MRPS18A: variants seen among roughly 807,000 people sequenced by gnomAD.
The protein encoded by MRPS18A is mitochondrial ribosomal protein S18A, also known as large ribosomal subunit protein mL66.
Under a neutral mutation model 22.7 loss-of-function variants are expected in MRPS18A, and 20 were observed. The observed-to-expected ratio is 0.88, with a 90% CI of 0.62 to 1.28. The LOEUF (loss-of-function observed/expected upper bound fraction) is 1.28, where lower values mean the gene tolerates loss of function less well. Ranked by LOEUF, MRPS18A falls within the 50% of genes most tolerant of loss-of-function variation. The pLI is 0.00. For missense variants in MRPS18A, 294 were observed against 262.6 expected, an observed-to-expected ratio of 1.12 and a Z score of -0.83; for synonymous variants, 106 against 99.1, an observed-to-expected ratio of 1.07 and a Z score of -0.41.
chr6:43,679,549 C>G (rs969174854), intron 2 of MRPS18A, among the ~76,000 whole-genome samples: 1 of 152,100 alleles, frequency 6.6e-6, no homozygotes, highest in Admixed American at 6.6e-5. Flanking sequence ...AATTACTAAG[C>G]GCAATAAACC....
At chr6:43,674,145 G>C (rs983523969) in intron 5 of MRPS18A, among the ~76,000 whole-genome samples, 1 of 152,148 alleles carries the variant, frequency 6.6e-6, no homozygotes, top group Non-Finnish European at 1.5e-5. Context: ...CATGGTGTTG[G>C]TAAAGGTCCA....
chr6:43,676,324 T>TGAG (rs1774053088), intron 3 of MRPS18A, among the ~76,000 whole-genome samples: 1 of 152,112 alleles, frequency 6.6e-6, no homozygotes, highest in Non-Finnish European at 1.5e-5. Flanking sequence ...ATTTTAGACC[T>TGAG]CAAAGTCTAT....
In MRPS18A at chr6:43,687,698, A is replaced by C; in HGVS notation, c.82T>G (p.Ser28Ala). Residue 28 changes from serine (S) to alanine (A), a missense_variant, in exon 1 of 6, where the codon TCT becomes GCT. By Grantham distance (99) the Ser-to-Ala change is moderately conservative. Transcript: ENST00000372133. ...LLAGPAATSWSRLPARGFREV... is the reference protein window; with the variant it reads ...LLAGPAATSWARLPARGFREV... ...CTGAACCCGCGAGCTGGAAGCCGAG[A>C]CCAGCTGGTCGCTGCCGGGCCCGCT... 3 of 1,582,698 alleles carry C rather than the reference A, an allele frequency of 1.9e-6. No individual in the cohort carries two copies. The highest frequency in any genetic ancestry group is 2.6e-6 in the Non-Finnish European group (3 of 1,164,500).
chr6:43,681,536 C>T (rs1774415714), intron 1 of MRPS18A, among the ~76,000 whole-genome samples: 1 of 152,190 alleles, frequency 6.6e-6, no homozygotes, highest in African/African-American at 2.4e-5. Context: ...CAAAGAGAAT[C>T]AGATAAGAAT....
At chr6:43,684,543 T>C (rs1380107688) in intron 1 of MRPS18A, among the ~76,000 whole-genome samples, 4 of 152,180 alleles carry the variant, frequency 2.6e-5, no homozygotes, top group African/African-American at 9.7e-5. Flanking sequence ...CTTGGACCCC[T>C]GAGGGAATGT....
At chr6:43,681,261 G>A (rs1424034967) in intron 1 of MRPS18A, 141 bp from the exon 2 acceptor site, 2 of 902,318 alleles carry the variant, frequency 2.2e-6, no homozygotes, top group Admixed American at 5.0e-5. Flanking sequence ...AGAACAGAAA[G>A]CATGCAGGGT....
chr6:43,675,052 A>T, intron 5 of MRPS18A, 150 bp downstream of exon 5: 1 of 651,780 alleles, frequency 1.5e-6, no homozygotes, highest in Non-Finnish European at 2.4e-6. Flanking sequence ...AGGTTGGCAA[A>T]GAAGGCAACA....
At chr6:43,678,479 A>C (rs372887527) in intron 3 of MRPS18A, 39 bp downstream of exon 3, 1 of 1,469,142 alleles carries the variant, frequency 6.8e-7, no homozygotes, top group South Asian at 1.1e-5. Flanking sequence ...TGAGAACTTC[A>C]TGACACACAG....
At chr6:43,687,517 G>C in intron 1 of MRPS18A, 151 bp downstream of exon 1, 1 of 662,830 alleles carries the variant, frequency 1.5e-6, no homozygotes, top group Non-Finnish European at 2.7e-6. Flanking sequence ...ACCAGGGTGT[G>C]GAAGGGGCTT....
Position 43,675,493 on chromosome 6 carries a change from C to T in MRPS18A, c.376+1G>A, listed in dbSNP as rs1249686636. The T allele has an allele frequency of 1.9e-6, 3 of 1,614,092 alleles. No homozygotes were observed. The highest frequency in any genetic ancestry group is 2.2e-5 in the East Asian group (1 of 44,894). ...CCCTCTTGGTCCCCAGGGCCTTCTA[C>T]CTGCTCGGTGGGCCATCTTCACACA... is the stretch of plus-strand genomic sequence containing the variant. On this transcript the variant is annotated splice_donor_variant, in intron 4 of 5. Transcript: ENST00000372133. LOFTEE classifies it high-confidence loss of function.
chr6:43,676,309 G>A (rs1429207234), intron 3 of MRPS18A, among the ~76,000 whole-genome samples: 1 of 152,170 alleles, frequency 6.6e-6, no homozygotes, highest in African/African-American at 2.4e-5. Context: ...GGAAAAACCT[G>A]TAACATTTTA....
chr6:43,683,148 T>C (rs1774506312), intron 1 of MRPS18A, among the ~76,000 whole-genome samples: 1 of 152,146 alleles, frequency 6.6e-6, no homozygotes, highest in Non-Finnish European at 1.5e-5. Context: ...CACTGGCCCC[T>C]GGAAAACAGA....
chr6:43,672,024 G>T, intron 5 of MRPS18A, 118 bp from the exon 6 acceptor site: 1 of 1,222,056 alleles, frequency 8.2e-7, no homozygotes, highest in Non-Finnish European at 1.1e-6. Context: ...CCTTTCACCA[G>T]TTTCCCTTTC....
intron 2 of MRPS18A, among the ~76,000 whole-genome samples, chr6:43,678,885 C>T (rs954066276): frequency 6.6e-6 from 1 of 152,034 alleles, no homozygotes. Context: ...ATACCAGTGT[C>T]AAGAGGGAGA....
chr6:43,675,170 C>T (rs373418874), intron 5 of MRPS18A, 32 bp downstream of exon 5: 46 of 1,496,050 alleles, frequency 3.1e-5, no homozygotes, highest in African/African-American at 7.0e-5. Flanking sequence ...GAGCGCAGAA[C>T]GCTCAGGTTG....
chr6:43,676,048 G>A (rs1176382152), intron 3 of MRPS18A, among the ~76,000 whole-genome samples: 3 of 152,088 alleles, frequency 2.0e-5, no homozygotes, highest in African/African-American at 4.8e-5. Flanking sequence ...ATGGGGTCTC[G>A]CTATGTTGCC....
intron 2 of MRPS18A, among the ~76,000 whole-genome samples, chr6:43,680,025 C>T (rs1312587107): frequency 7.2e-5 from 11 of 152,110 alleles, no homozygotes; most frequent in East Asian, 5.8e-4. Context: ...ATGGCCATGC[C>T]GCTAAAGGCA....
In MRPS18A at chr6:43,673,230, C is replaced by T. The variant is rs1561948961; in HGVS notation, c.447-1324G>A. 2.0e-5 allele frequency among the ~76,000 whole-genome samples: 3 copies of T among 152,040 alleles called. No homozygotes were observed. The highest frequency in any genetic ancestry group is 1.9e-4 in the East Asian group (1 of 5,164). ...CTTGAACTCCTGACCTCAAGTGATC[C>T]GCCCGCCTCGGCCTCCCAAATTGCT... On this transcript the variant is annotated intron_variant, in intron 5 of 5. Transcript: ENST00000372133. This position sits in a 1 kb window ranked among gnomAD's most constrained non-coding sequence, Gnocchi z 4.2.
chr6:43,686,191 CCTT>C (rs1774685876), intron 1 of MRPS18A, among the ~76,000 whole-genome samples: 1 of 152,188 alleles, frequency 6.6e-6, no homozygotes, highest in East Asian at 1.9e-4. Flanking sequence ...ATTCCTCTTG[CCTT>C]TTTTTCTGGA....
Sources: gnomAD v4.1 joint callset for allele counts (sites outside exome capture counted in the v4.1 genomes callset) on GRCh38, gnomAD v4.1.1 for gene constraint, Gnocchi (gnomAD v3.1) non-coding constraint, MANE v1.5 for transcripts, NCBI Gene and HGNC (gene_info 2026-07-23, HGNC 2026-07-21) for gene names.